GPAM: variants seen among roughly 807,000 people sequenced by gnomAD.
GPAM encodes glycerol-3-phosphate acyltransferase, mitochondrial, also known as glycerol-3-phosphate acyltransferase 1, mitochondrial.
Under a neutral mutation model 105.0 loss-of-function variants are expected in GPAM, and 56 were observed. That is an observed-to-expected ratio of 0.53 (90% CI 0.43 to 0.67). The LOEUF (loss-of-function observed/expected upper bound fraction) is 0.67. GPAM is among the 30% of genes least tolerant of loss of function. The probability of loss-of-function intolerance (pLI) is 0.00; values close to 1 mark genes in which losing one functional copy is unlikely to be tolerated. For synonymous variants in GPAM, 368 were observed against 354.4 expected, an observed-to-expected ratio of 1.04 and a Z score of -0.43; for missense variants, 855 against 989.8, an observed-to-expected ratio of 0.86 and a Z score of 1.83.
At position 112,153,402 on chromosome 10, in the gene GPAM, G is replaced by A. The variant is rs1846955534; in HGVS notation, c.*148C>T. 16 of 1,582,584 alleles carry A rather than the reference G, an allele frequency of 1.0e-5. No homozygotes were observed. The South Asian group carries it at 1.8e-4, about 18-fold the overall frequency. ...GAGCTGGGAAGATCACAGATCCATG[G>A]AGGGAGAAGGCACTTGTCTTCCAGG... On this transcript the variant is annotated 3_prime_UTR_variant, in exon 22 of 22. Coordinates refer to ENST00000348367, the MANE Select transcript of GPAM (RefSeq NM_001244949.2).
chr10:112,196,159 C>T (rs961069299), intron 1 of GPAM, among the ~76,000 whole-genome samples: 1 of 152,188 alleles, frequency 6.6e-6, no homozygotes, highest in African/African-American at 2.4e-5. Flanking sequence ...AAGGGAAAAA[C>T]TAGGCATGGC....
chr10:112,181,802 C>G lies in GPAM; in HGVS notation c.-18G>C. 1 of 1,347,948 alleles carries G rather than the reference C, an allele frequency of 7.4e-7. No individual in the cohort carries two copies. Among genetic ancestry groups the G allele is most frequent in the South Asian group, 1.2e-5 (1 of 85,694 alleles). The allele number at this position is 1,347,948 out of a possible 1,614,324, so 83.5% of individuals were successfully genotyped here. A position where few individuals can be genotyped will look rare whatever the true frequency, so the allele number is the denominator to read the frequency against. On this transcript the variant is annotated 5_prime_UTR_variant, in exon 3 of 22. Transcript: ENST00000348367. ...TCATCCATGTCACAAAGTGTAATTC[C>G]CAAATCATGTGCTATAAAAAATAGG...
upstream of GPAM, among the ~76,000 whole-genome samples, chr10:112,185,885 G>A (rs550376505): frequency 2.0e-5 from 3 of 152,232 alleles, no homozygotes; most frequent in South Asian, 4.1e-4. Context: ...GTATCAGTGA[G>A]CCTAGTATAC....
At chr10:112,173,108 C>T (rs1287542696) in intron 7 of GPAM, 42 bp from the exon 8 acceptor site, 1 of 1,126,642 alleles carries the variant, frequency 8.9e-7, no homozygotes, top group Non-Finnish European at 1.4e-6. Context: ...TAAATGAACA[C>T]ACGTTATTTT....
chr10:112,215,976 G>A (rs994432209), upstream of GPAM, among the ~76,000 whole-genome samples: 15 of 152,178 alleles, frequency 9.9e-5, no homozygotes, highest in African/African-American at 3.6e-4. Flanking sequence ...GGCTTATGAA[G>A]AGCTCTAGTA....
chr10:112,181,397 AAG>A (rs745335215), intron 3 of GPAM, among the ~76,000 whole-genome samples: 2 of 152,140 alleles, frequency 1.3e-5, no homozygotes, highest in Non-Finnish European at 2.9e-5. Flanking sequence ...AAGAGAAAGA[AAG>A]AAAAAAAAAT....
In GPAM at chr10:112,155,932, T is replaced by C; in HGVS notation, c.2243A>G (p.Glu748Gly). 1 of 1,611,742 alleles carries C rather than the reference T, an allele frequency of 6.2e-7. No individual in the cohort carries two copies. The highest frequency in any genetic ancestry group is 8.5e-7 in the Non-Finnish European group (1 of 1,177,814). ...FVHNFSGPVPEPEYLQKLHKY... is the reference protein window; with the variant it reads ...FVHNFSGPVPGPEYLQKLHKY... ...GTGCAACTTTTGCAGATACTCAGGT[T>C]CTGGAACAGGACCACTGAAGTTGTG... Residue 748 changes from glutamate (E) to glycine (G), a missense_variant, in exon 20 of 22, where the codon GAA becomes GGA. Glu to Gly is a moderately conservative substitution (Grantham distance 98, BLOSUM62 -2). Coordinates refer to ENST00000348367, the MANE Select transcript of GPAM (RefSeq NM_001244949.2).
chr10:112,168,986 G>C (rs759443262), intron 9 of GPAM, 34 bp from the exon 10 acceptor site: 1 of 1,308,328 alleles, frequency 7.6e-7, no homozygotes, highest in Non-Finnish European at 1.1e-6. Flanking sequence ...TATTTACAAA[G>C]AAAAATGTAA....
intron 3 of GPAM, 91 bp from the exon 4 acceptor site, chr10:112,180,686 G>A (rs988248753): frequency 8.4e-7 from 1 of 1,187,112 alleles, no homozygotes; most frequent in Non-Finnish European, 1.2e-6. Flanking sequence ...TTGAACAGAA[G>A]AAAAACTTAT....
chr10:112,224,321 C>A, the GPAM span, among the ~76,000 whole-genome samples: 18 of 152,180 alleles, frequency 1.2e-4, no homozygotes, highest in Non-Finnish European at 2.5e-4. Context: ...GCAGCAAGAA[C>A]AACTAGGCCC....
chr10:112,197,933 G>A (rs1468131145), intron 1 of GPAM, among the ~76,000 whole-genome samples: 1 of 152,042 alleles, frequency 6.6e-6, no homozygotes, highest in Non-Finnish European at 1.5e-5. Flanking sequence ...CAACATGGCT[G>A]CCATTTACAC....
intron 1 of GPAM, among the ~76,000 whole-genome samples, chr10:112,209,619 G>T (rs567360078): frequency 6.6e-6 from 1 of 152,204 alleles, no homozygotes; most frequent in Non-Finnish European, 1.5e-5. Flanking sequence ...TGGTCCCCCT[G>T]GTTTTCCCAT....
At position 112,160,595 on chromosome 10, in the gene GPAM, C is replaced by G; in HGVS notation, c.1759+9G>C. On this transcript the variant is annotated intron_variant, in intron 16 of 21. Transcript: ENST00000348367. Reference sequence around the variant, plus strand: ...AAAATTACTGAAAATATTTCAAGGTCTGACATACCTATGATGGCCTCCATG... The same window carrying G: ...AAAATTACTGAAAATATTTCAAGGTGTGACATACCTATGATGGCCTCCATG... 6.2e-7 allele frequency: 1 copy of G among 1,610,052 alleles called. No individual in the cohort carries two copies. The highest frequency in any genetic ancestry group is 1.1e-5 in the South Asian group (1 of 90,978).
At chr10:112,210,930 A>G (rs1847903988) in intron 1 of GPAM, among the ~76,000 whole-genome samples, 1 of 152,238 alleles carries the variant, frequency 6.6e-6, no homozygotes, top group African/African-American at 2.4e-5. Context: ...TCAAATCTTC[A>G]GCTCCCTGCT....
intron 5 of GPAM, 98 bp from the exon 6 acceptor site, chr10:112,175,811 GTCAT>G (rs2133258834): frequency 1.3e-6 from 1 of 744,868 alleles, no homozygotes; most frequent in East Asian, 2.7e-5. Context: ...AAAGCCTAAT[GTCAT>G]CTCTTTCTGA....
intron 4 of GPAM, among the ~76,000 whole-genome samples, chr10:112,179,569 T>C (rs1243203554): frequency 6.6e-6 from 1 of 152,190 alleles, no homozygotes; most frequent in Non-Finnish European, 1.5e-5. Flanking sequence ...CATAAACTGC[T>C]TGGGTTCCAC....
intron 1 of GPAM, among the ~76,000 whole-genome samples, chr10:112,200,165 GAAATAT>G (rs1847776622): frequency 9.4e-5 from 4 of 42,684 alleles, no homozygotes; most frequent in Non-Finnish European, 1.4e-4. Flanking sequence ...CATTGTAAAG[GAAATAT>G]ATATATATAT....
At chr10:112,158,191 A>G in intron 18 of GPAM, 125 bp downstream of exon 18, 1 of 777,804 alleles carries the variant, frequency 1.3e-6, no homozygotes. Context: ...TTCACCTCCC[A>G]AAGTGCTGGG....
At chr10:112,218,834 C>A (rs530381645), upstream of GPAM, among the ~76,000 whole-genome samples, 1 of 152,136 alleles carries the variant, frequency 6.6e-6, no homozygotes, top group African/African-American at 2.4e-5. Flanking sequence ...TCATGGTGCA[C>A]GTGGGAGTGT....
Sources: gnomAD v4.1 joint callset for allele counts (sites outside exome capture counted in the v4.1 genomes callset) on GRCh38, gnomAD v4.1.1 for gene constraint, MANE v1.5 for transcripts, NCBI Gene and HGNC (gene_info 2026-07-23, HGNC 2026-07-21) for gene names.